The following ASAP1 variants were observed in gnomAD, a reference collection of about 807,000 sequenced individuals.
ASAP1 encodes the protein arf-GAP with SH3 domain, ANK repeat and PH domain-containing protein 1.
Under a neutral mutation model 145.2 loss-of-function variants are expected in ASAP1, and 43 were observed. The observed-to-expected ratio is 0.30, with a 90% CI of 0.23 to 0.38. The LOEUF (loss-of-function observed/expected upper bound fraction) is 0.38, where lower values mean the gene tolerates loss of function less well. Among genes scored for constraint, ASAP1 ranks in the 10% least tolerant of loss-of-function variants. ASAP1 has a pLI of 1.00. For synonymous variants in ASAP1, 546 were observed against 515.5 expected (o/e 1.06, Z -0.80); for missense variants, 1,018 against 1,355.3 (o/e 0.75, Z 3.91).
At chr8:130,378,960 C>G (rs1327676003) in intron 2 of ASAP1, among the ~76,000 whole-genome samples, 1 of 152,156 alleles carries the variant, frequency 6.6e-6, no homozygotes, top group Non-Finnish European at 1.5e-5. Flanking sequence ...TAGATTTGGT[C>G]TTTGTCCTTG....
intron 25 of ASAP1, chr8:130,084,808 G>GGAAAAGAAAA (rs139052464): frequency 6.6e-6 from 1 of 151,750 alleles, no homozygotes; most frequent in African/African-American, 2.4e-5. Context: ...AAAAAACAAA[G>GGAAAAGAAAA]GAAAAGAAAA....
intron 1 of ASAP1, among the ~76,000 whole-genome samples, chr8:130,416,932 C>A (rs991683782): frequency 6.6e-6 from 1 of 152,234 alleles, no homozygotes; most frequent in African/African-American, 2.4e-5. Flanking sequence ...ATGACTATGA[C>A]CCAAGTGGGA....
chr8:130,189,963 A>G (rs1815025334), intron 5 of ASAP1, among the ~76,000 whole-genome samples: 1 of 152,172 alleles, frequency 6.6e-6, no homozygotes, highest in Non-Finnish European at 1.5e-5. Flanking sequence ...TTTGAGAAAT[A>G]TATATTCAGA....
chr8:130,196,359 G>A (rs1413454286), intron 5 of ASAP1, among the ~76,000 whole-genome samples: 1 of 143,244 alleles, frequency 7.0e-6, no homozygotes, highest in Non-Finnish European at 1.6e-5. Context: ...AAAAAAAAAA[G>A]TTGTAGGTCA....
intron 4 of ASAP1, among the ~76,000 whole-genome samples, chr8:130,217,449 GTGTATATA>G (rs1361719937): frequency 6.6e-6 from 1 of 150,858 alleles, no homozygotes; most frequent in Non-Finnish European, 1.5e-5. Flanking sequence ...CATCCTATAT[GTGTATATA>G]TGTATATATA....
rs148125041 is a variant in ASAP1 at position 130,275,927 on chromosome 8, A to AT, written c.187-38934dup. Reference sequence around the variant, plus strand: ...CCAAGTAGAAGATAATACCAGTCACATTTTTTTGCAGAAGTAAAGGTACTG... The same window carrying AT: ...CCAAGTAGAAGATAATACCAGTCACATTTTTTTTGCAGAAGTAAAGGTACTG... On this transcript the variant is annotated intron_variant, in intron 3 of 29. Transcript: ENST00000518721. 7.1e-3 allele frequency among the ~76,000 whole-genome samples: 1,084 copies of AT among 152,234 alleles called. 16 individuals are homozygous for AT. The highest frequency in any genetic ancestry group is 0.025 in the African/African-American group (1,038 of 41,552).
chr8:130,256,593 C>T (rs946717709), intron 3 of ASAP1, among the ~76,000 whole-genome samples: 1 of 151,380 alleles, frequency 6.6e-6, no homozygotes, highest in African/African-American at 2.4e-5. Context: ...GTATTTTTGC[C>T]TTGGAGATAA....
chr8:130,430,547 G>T (rs906282785), intron 1 of ASAP1, among the ~76,000 whole-genome samples: 2 of 152,158 alleles, frequency 1.3e-5, no homozygotes, highest in Admixed American at 1.3e-4. Flanking sequence ...TGGGCATGGG[G>T]ATGGAGACTG....
At chr8:130,223,487 A>C (rs1260062733) in intron 4 of ASAP1, among the ~76,000 whole-genome samples, 1 of 152,198 alleles carries the variant, frequency 6.6e-6, no homozygotes, top group Admixed American at 6.5e-5. Context: ...AATGGATGCT[A>C]ATTTAAACAT....
At chr8:130,288,487 A>C (rs1821756010) in intron 3 of ASAP1, among the ~76,000 whole-genome samples, 1 of 152,212 alleles carries the variant, frequency 6.6e-6, no homozygotes, top group Admixed American at 6.5e-5. Context: ...CTGTGCATTT[A>C]CAGAGCACTG....
At chr8:130,222,690 A>G (rs1381954427) in intron 4 of ASAP1, among the ~76,000 whole-genome samples, 1 of 152,248 alleles carries the variant, frequency 6.6e-6, no homozygotes, top group Non-Finnish European at 1.5e-5. Context: ...AAGTAATAAT[A>G]ATAATAATTT....
intron 18 of ASAP1, among the ~76,000 whole-genome samples, chr8:130,122,216 A>G (rs2097567399): frequency 6.6e-6 from 1 of 152,212 alleles, no homozygotes; most frequent in Non-Finnish European, 1.5e-5. Flanking sequence ...GTGTAATTGT[A>G]TGACTGACTT....
At chr8:130,223,930 C>G (rs939423887) in intron 4 of ASAP1, among the ~76,000 whole-genome samples, 1 of 152,156 alleles carries the variant, frequency 6.6e-6, no homozygotes, top group Non-Finnish European at 1.5e-5. Context: ...TTATTACACT[C>G]CAGTCATAAA....
intron 2 of ASAP1, among the ~76,000 whole-genome samples, chr8:130,388,936 C>T (rs1428894776): frequency 6.6e-6 from 1 of 152,188 alleles, no homozygotes. Flanking sequence ...TGCCACTGAC[C>T]AGCAATGTGG....
chr8:130,184,907 T>C (rs1814615082), intron 7 of ASAP1, among the ~76,000 whole-genome samples: 1 of 152,186 alleles, frequency 6.6e-6, no homozygotes, highest in Non-Finnish European at 1.5e-5. Context: ...CAAGTAAGGA[T>C]CATCAAAATT....
intron 3 of ASAP1, among the ~76,000 whole-genome samples, chr8:130,297,824 T>C (rs1019204852): frequency 1.3e-5 from 2 of 152,206 alleles, no homozygotes; most frequent in Non-Finnish European, 2.9e-5. Context: ...AAAATCAGCC[T>C]TGATTTATTT....
intron 15 of ASAP1, among the ~76,000 whole-genome samples, chr8:130,133,662 CA>C (rs869073604): frequency 1.3e-4 from 19 of 145,584 alleles, no homozygotes; most frequent in African/African-American, 4.4e-4. Context: ...GACTCCGTCT[CA>C]AAAACAAACA....
intron 20 of ASAP1, 33 bp downstream of exon 20, chr8:130,118,128 C>T: frequency 6.4e-7 from 1 of 1,571,370 alleles, no homozygotes; most frequent in Non-Finnish European, 8.8e-7. Flanking sequence ...AAGGCATATT[C>T]AGGTAATTCA....
chr8:130,113,001 A>C (rs1387684213), intron 23 of ASAP1, among the ~76,000 whole-genome samples: 1 of 152,172 alleles, frequency 6.6e-6, no homozygotes, highest in African/African-American at 2.4e-5. Flanking sequence ...CTCCTAGTAC[A>C]GGTGCTCACC....
Sources: gnomAD v4.1 joint callset for allele counts (sites outside exome capture counted in the v4.1 genomes callset) on GRCh38, gnomAD v4.1.1 for gene constraint, MANE v1.5 for transcripts, NCBI Gene and HGNC (gene_info 2026-07-23, HGNC 2026-07-21) for gene names.